The following PCCB variants were observed in gnomAD, a reference collection of about 807,000 sequenced individuals.
The protein encoded by PCCB is propionyl-CoA carboxylase beta chain, mitochondrial.
In PCCB, 43 loss-of-function variants were observed where a neutral mutation model predicts 60.7. The observed-to-expected ratio is 0.71, with a 90% CI of 0.55 to 0.91. PCCB has a LOEUF of 0.91. Among genes scored for constraint, PCCB ranks in the 40% least tolerant of loss-of-function variants. The pLI is 0.00. For missense variants in PCCB, 766 were observed against 702.8 expected (o/e 1.09, Z -1.02); for synonymous variants, 276 against 255.9 (o/e 1.08, Z -0.75).
intron 4 of PCCB, 84 bp downstream of exon 4, chr3:136,260,619 G>A (rs543828335): frequency 3.4e-6 from 4 of 1,169,470 alleles, no homozygotes; most frequent in Non-Finnish European, 5.1e-6. Context: ...ACAAGACACT[G>A]AGCTAGGTAC....
intron 1 of PCCB, among the ~76,000 whole-genome samples, chr3:136,254,877 G>A (rs1418077424): frequency 6.7e-6 from 1 of 148,924 alleles, no homozygotes; most frequent in African/African-American, 2.5e-5. Flanking sequence ...CCTCAAAGAA[G>A]CTTTTTTTTT....
intron 7 of PCCB, among the ~76,000 whole-genome samples, chr3:136,295,049 A>G (rs1933871482): frequency 6.6e-6 from 1 of 152,252 alleles, no homozygotes; most frequent in African/African-American, 2.4e-5. Context: ...TGATTCTGAT[A>G]TTAGTGAAGA....
At position 136,329,773 on chromosome 3, in the gene PCCB, A is replaced by G. The variant is rs888373344; in HGVS notation, c.1499-132A>G. 6.4e-6 allele frequency: 6 copies of G among 930,472 alleles called. No individual in the cohort carries two copies. In the Admixed American group the frequency reaches 9.3e-5, roughly 14 times the overall value. 57.6% of individuals were successfully genotyped at this position (930,472 alleles called of 1,614,324 possible). ...ATACAAGGGGGAATTCACAGGGCCT[A>G]CCATCTCTGTATCAGGTTGGGCACT... On this transcript the variant is annotated intron_variant, in intron 14 of 14. Transcript: ENST00000251654.
At chr3:136,256,407 G>A in intron 2 of PCCB, 148 bp from the exon 3 acceptor site, 1 of 692,024 alleles carries the variant, frequency 1.4e-6, no homozygotes, top group South Asian at 1.6e-5. Context: ...AGCTGGGAAA[G>A]TGGGGTGGGA....
chr3:136,279,177 C>T (rs1357560777), intron 5 of PCCB, among the ~76,000 whole-genome samples: 4 of 152,056 alleles, frequency 2.6e-5, no homozygotes, highest in African/African-American at 9.7e-5. Context: ...CTCTTCATGT[C>T]TTTGTATCTA....
chr3:136,289,647 G>A (rs1480436175), intron 6 of PCCB, among the ~76,000 whole-genome samples: 1 of 152,016 alleles, frequency 6.6e-6, no homozygotes, highest in Non-Finnish European at 1.5e-5. Flanking sequence ...TGTTGGTATA[G>A]TTGGATTAGT....
At chr3:136,316,875 G>A in intron 9 of PCCB, 66 bp from the exon 10 acceptor site, 3 of 1,540,490 alleles carry the variant, frequency 1.9e-6, no homozygotes, top group Non-Finnish European at 2.7e-6. Context: ...ATGTCATTCT[G>A]TAGTGTCATT....
At chr3:136,270,881 C>T (rs1481699147) in intron 5 of PCCB, among the ~76,000 whole-genome samples, 1 of 152,010 alleles carries the variant, frequency 6.6e-6, no homozygotes, top group Non-Finnish European at 1.5e-5. Flanking sequence ...TTTGCATTTT[C>T]CTGATAGTGA....
At chr3:136,250,753 T>G (rs554957593) in intron 1 of PCCB, among the ~76,000 whole-genome samples, 195 bp downstream of exon 1, 227 of 152,318 alleles carry the variant, frequency 1.5e-3, no homozygotes, top group Non-Finnish European at 2.7e-3. Flanking sequence ...CCTGTGTGCT[T>G]TTTCATACTG....
At chr3:136,281,264 G>A (rs1056013520) in intron 5 of PCCB, among the ~76,000 whole-genome samples, 2 of 152,012 alleles carry the variant, frequency 1.3e-5, no homozygotes, top group East Asian at 1.9e-4. Context: ...ATATTGGTAT[G>A]TTTGGTTTCC....
intron 6 of PCCB, among the ~76,000 whole-genome samples, chr3:136,287,733 G>T (rs1040383522): frequency 6.6e-5 from 10 of 152,274 alleles, no homozygotes; most frequent in Non-Finnish European, 1.2e-4. Context: ...ACTGCGCCCA[G>T]TTATAGTAAA....
At chr3:136,327,864 C>G (rs1418654831) in intron 13 of PCCB, 132 bp downstream of exon 13, 3 of 744,068 alleles carry the variant, frequency 4.0e-6, no homozygotes, top group Non-Finnish European at 7.2e-6. Flanking sequence ...GTGAATGGGA[C>G]CTAGACCTTG....
intron 3 of PCCB, chr3:136,260,266 C>T (rs1019834005): frequency 2.7e-5 from 17 of 634,508 alleles, no homozygotes; most frequent in African/African-American, 9.2e-5. Flanking sequence ...TTTGCAGATA[C>T]GGGCTTCTGC....
intron 10 of PCCB, 99 bp downstream of exon 10, chr3:136,317,163 GGCCT>G: frequency 8.7e-7 from 1 of 1,148,600 alleles, no homozygotes; most frequent in South Asian, 1.3e-5. Context: ...CTTCAGACAT[GGCCT>G]TCCATGACCA....
At chr3:136,291,800 A>T (rs555878845) in intron 6 of PCCB, among the ~76,000 whole-genome samples, 39 of 152,206 alleles carry the variant, frequency 2.6e-4, no homozygotes, top group Non-Finnish European at 3.8e-4. Context: ...TTTTTCCCCC[A>T]TGCATGTCAG....
At chr3:136,317,459 G>T (rs1181180929) in intron 10 of PCCB, among the ~76,000 whole-genome samples, 5 of 151,760 alleles carry the variant, frequency 3.3e-5, no homozygotes, top group African/African-American at 1.2e-4. Flanking sequence ...GAACTCCTGA[G>T]CTCAAGTGAT....
chr3:136,263,520 C>T (rs959058501), intron 5 of PCCB, among the ~76,000 whole-genome samples: 15 of 151,838 alleles, frequency 9.9e-5, no homozygotes, highest in Non-Finnish European at 5.9e-5. Flanking sequence ...GATTGGCCTG[C>T]GTTTGCCTCC....
chr3:136,269,736 A>C (rs866367157), intron 5 of PCCB, among the ~76,000 whole-genome samples: 3 of 151,918 alleles, frequency 2.0e-5, no homozygotes, highest in Admixed American at 1.3e-4. Flanking sequence ...ATACAAAAAA[A>C]TTAGCCGGGT....
intron 9 of PCCB, among the ~76,000 whole-genome samples, chr3:136,308,079 G>A (rs536562978): frequency 6.6e-6 from 1 of 151,982 alleles, no homozygotes; most frequent in African/African-American, 2.4e-5. Flanking sequence ...AATTTGTTAT[G>A]GACCAATTAT....
Sources: allele counts gnomAD v4.1 joint callset (sites outside exome capture counted in the v4.1 genomes callset), GRCh38; gene constraint gnomAD v4.1.1; transcripts MANE v1.5; gene names NCBI Gene and HGNC (gene_info 2026-07-23, HGNC 2026-07-21).